Variants in ZC2HC1B observed in about 807,000 individuals in gnomAD.
The protein encoded by ZC2HC1B is zinc finger C2HC domain-containing protein 1B.
ZC2HC1B carries 36 observed loss-of-function variants against 31.0 expected under a neutral mutation model. The observed-to-expected ratio is 1.16, with a 90% CI of 0.89 to 1.54. ZC2HC1B has a LOEUF of 1.54. ZC2HC1B is among the 40% of genes most tolerant of loss of function. The pLI, the probability that ZC2HC1B is intolerant of heterozygous loss-of-function variation, is 0.00. For synonymous variants in ZC2HC1B, 73 were observed against 88.0 expected (o/e 0.83, Z 0.95); for missense variants, 260 against 268.6 (o/e 0.97, Z 0.22).
rs181927926 is a variant in ZC2HC1B, at chr6:143,920,318, T to C, written c.598+17166T>C. On this transcript the variant is annotated intron_variant, in intron 6 of 7. Transcript: ENST00000237275. Reference sequence around the variant, plus strand: ...AGTAAACTTGGAAAGAGATCGTGAATGGGAAAAGACAGCATGTCAGTTACG... The same window carrying C: ...AGTAAACTTGGAAAGAGATCGTGAACGGGAAAAGACAGCATGTCAGTTACG... 3.2e-3 allele frequency among the ~76,000 whole-genome samples: 483 copies of C among 152,254 alleles called. 1 individual carries two copies. The highest frequency in any genetic ancestry group is 5.8e-3 in the Non-Finnish European group (395 of 68,000).
rs1778147449 is a variant in ZC2HC1B at position 143,933,630 on chromosome 6, C to T, written c.599-4019C>T. ...GGCGAAAGCTGGTAGCAACAGGCCT[C>T]ACCCAGCTCCCACACAGTTGGCAAG... On this transcript the variant is annotated intron_variant, in intron 6 of 7. Transcript: ENST00000237275. The surrounding 1 kb of genome is among the most constrained non-coding windows in gnomAD (Gnocchi z 6.4). Among the ~76,000 whole-genome samples, 1 of 152,142 alleles carries T rather than the reference C, an allele frequency of 6.6e-6. No individual in the cohort carries two copies. The highest frequency in any genetic ancestry group is 1.5e-5 in the Non-Finnish European group (1 of 68,032).
rs1196129751 is a variant in ZC2HC1B, at chr6:143,924,466, T to A, written c.599-13183T>A. Reference sequence around the variant, plus strand: ...TTGACTTCCTCTATTCCAATTTAGATGACATTTATTTATTTCTCTTGCCTG... The same window carrying A: ...TTGACTTCCTCTATTCCAATTTAGAAGACATTTATTTATTTCTCTTGCCTG... On this transcript the variant is annotated intron_variant, in intron 6 of 7. Transcript: ENST00000237275. The surrounding 1 kb of genome is among the most constrained non-coding windows in gnomAD (Gnocchi z 5.2). 6.6e-6 allele frequency among the ~76,000 whole-genome samples: 1 copy of A among 152,068 alleles called. No homozygotes were observed. The highest frequency in any genetic ancestry group is 1.9e-4 in the East Asian group (1 of 5,200).
In ZC2HC1B at chr6:143,933,883, C is replaced by T. The variant is rs762144459; in HGVS notation, c.599-3766C>T. ...CAGATTCTTCTCAAGAGGGTTTGCA[C>T]CCAGTCAAAATTATTACAAAGTTCA... On this transcript the variant is annotated intron_variant, in intron 6 of 7. Transcript: ENST00000237275. This position sits in a 1 kb window ranked among gnomAD's most constrained non-coding sequence, Gnocchi z 6.4. Among the ~76,000 whole-genome samples, 4 of 152,172 alleles carry T rather than the reference C, an allele frequency of 2.6e-5. No homozygotes were observed. Among genetic ancestry groups the T allele is most frequent in the Non-Finnish European group, 5.9e-5 (4 of 68,038 alleles).
At position 143,917,835 on chromosome 6, in the gene ZC2HC1B, T is replaced by C. The variant is rs1407808365; in HGVS notation, c.598+14683T>C. ...CTAATAATTCCTACATTTGGTCTCT[T>C]AAATTATGTATAAAACAAAACGTGG... On this transcript the variant is annotated intron_variant, in intron 6 of 7. Transcript: ENST00000237275. The surrounding 1 kb of genome is among the most constrained non-coding windows in gnomAD (Gnocchi z 4.1). Among the ~76,000 whole-genome samples, 3 of 152,242 alleles carry C rather than the reference T, an allele frequency of 2.0e-5. No homozygotes were observed. Among genetic ancestry groups the C allele is most frequent in the African/African-American group, 7.2e-5 (3 of 41,466 alleles).
chr6:143,922,258 T>A lies in ZC2HC1B; in HGVS notation c.599-15391T>A, dbSNP rs916191155. On this transcript the variant is annotated intron_variant, in intron 6 of 7. Transcript: ENST00000237275. The surrounding 1 kb of genome is among the most constrained non-coding windows in gnomAD (Gnocchi z 5.0). ...TATTTTGATACATGAATAAAATGTGTAATGATCAAATCAGGGTATTTAAGA... is the reference window on the plus strand; with the variant it reads ...TATTTTGATACATGAATAAAATGTGAAATGATCAAATCAGGGTATTTAAGA... Among the ~76,000 whole-genome samples, 6 of 152,218 alleles carry A rather than the reference T, an allele frequency of 3.9e-5. No homozygotes were observed. Among genetic ancestry groups the A allele is most frequent in the African/African-American group, 1.4e-4 (6 of 41,468 alleles).
intron 6 of ZC2HC1B, among the ~76,000 whole-genome samples, chr6:143,919,965 A>G (rs1777969052): frequency 6.6e-6 from 1 of 152,212 alleles, no homozygotes; most frequent in South Asian, 2.1e-4. Flanking sequence ...CATTTGGGAA[A>G]AACTTAACAG....
chr6:143,888,263 G>A (rs1467091275), intron 4 of ZC2HC1B, among the ~76,000 whole-genome samples: 1 of 151,984 alleles, frequency 6.6e-6, no homozygotes, highest in Non-Finnish European at 1.5e-5. Flanking sequence ...TGGTCTATAT[G>A]TCTGTCTTTA....
At chr6:143,896,305 A>G (rs1381239063) in intron 4 of ZC2HC1B, among the ~76,000 whole-genome samples, 1 of 152,226 alleles carries the variant, frequency 6.6e-6, no homozygotes, top group Non-Finnish European at 1.5e-5. Context: ...TGAATGAGCA[A>G]GTGGGATTAA....
At chr6:143,920,610 T>A (rs1777975345) in intron 6 of ZC2HC1B, among the ~76,000 whole-genome samples, 2 of 152,068 alleles carry the variant, frequency 1.3e-5, no homozygotes, top group African/African-American at 4.8e-5. Context: ...AAAGGCAAAG[T>A]TCTTAAAATG....
At chr6:143,876,968 A>G (rs1393658309) in intron 1 of ZC2HC1B, among the ~76,000 whole-genome samples, 1 of 150,722 alleles carries the variant, frequency 6.6e-6, no homozygotes, top group Non-Finnish European at 1.5e-5. Context: ...ACCCTCACAG[A>G]CACACCCACG....
At position 143,887,619 on chromosome 6, in the gene ZC2HC1B, A is replaced by T. The variant is rs1777545643; in HGVS notation, c.349+798A>T. On this transcript the variant is annotated intron_variant, in intron 4 of 7. Transcript: ENST00000237275. The surrounding 1 kb of genome is among the most constrained non-coding windows in gnomAD (Gnocchi z 5.1). Reference sequence around the variant, plus strand: ...TTTTGTTATCTCTTCGGTCTTTATTAAATCTTGAACAATATCCCTACCAGG... The same window carrying T: ...TTTTGTTATCTCTTCGGTCTTTATTTAATCTTGAACAATATCCCTACCAGG... Among the ~76,000 whole-genome samples the T allele has an allele frequency of 6.6e-6, 1 of 152,130 alleles. No homozygotes were observed. Among genetic ancestry groups the T allele is most frequent in the South Asian group, 2.1e-4 (1 of 4,832 alleles).
At position 143,872,280 on chromosome 6, in the gene ZC2HC1B, T is replaced by G. The variant is rs1049519950; in HGVS notation, c.28+7713T>G. Among the ~76,000 whole-genome samples the G allele has an allele frequency of 6.6e-6, 1 of 152,180 alleles. No homozygotes were observed. The highest frequency in any genetic ancestry group is 1.5e-5 in the Non-Finnish European group (1 of 68,040). On this transcript the variant is annotated intron_variant, in intron 1 of 7. Transcript: ENST00000237275. The surrounding 1 kb of genome is among the most constrained non-coding windows in gnomAD (Gnocchi z 5.5). ...TCTCTGTTTTTATAATTCAGATTAG[T>G]CTTTTGTCCATTTGACCTAGAAGTT... is the stretch of plus-strand genomic sequence containing the variant.
At chr6:143,907,456 T>A (rs1007390163) in intron 6 of ZC2HC1B, among the ~76,000 whole-genome samples, 4 of 152,220 alleles carry the variant, frequency 2.6e-5, no homozygotes, top group African/African-American at 9.6e-5. Context: ...TTTTTTAACT[T>A]TTTAATAATA....
intron 6 of ZC2HC1B, among the ~76,000 whole-genome samples, chr6:143,937,118 G>A (rs1304151240): frequency 2.0e-5 from 3 of 152,190 alleles, no homozygotes; most frequent in African/African-American, 7.2e-5. Flanking sequence ...GGTGTGGTGT[G>A]CCCATATCCA....
chr6:143,867,741 C>G (rs542442360), intron 1 of ZC2HC1B, among the ~76,000 whole-genome samples: 36 of 152,292 alleles, frequency 2.4e-4, no homozygotes, highest in African/African-American at 8.7e-4. Flanking sequence ...ATTATGAAGG[C>G]AGTGAATATC....
At chr6:143,892,232 G>C (rs1056619305) in intron 4 of ZC2HC1B, among the ~76,000 whole-genome samples, 10 of 151,958 alleles carry the variant, frequency 6.6e-5, no homozygotes, top group Non-Finnish European at 1.5e-4. Context: ...AGGGGAGCAG[G>C]CATCACATGT....
chr6:143,901,317 T>C lies in ZC2HC1B; in HGVS notation c.490-1727T>C, dbSNP rs562399724. Among the ~76,000 whole-genome samples the C allele has an allele frequency of 7.8e-3, 1,053 of 134,932 alleles. 12 individuals are homozygous for C. The highest frequency in any genetic ancestry group is 0.029 in the African/African-American group (1,002 of 34,348). 88.5% of individuals were successfully genotyped at this position (134,932 alleles called of 152,430 possible). A position where few individuals can be genotyped will look rare whatever the true frequency, so the allele number is the denominator to read the frequency against. On this transcript the variant is annotated intron_variant, in intron 5 of 7. Transcript: ENST00000237275. ...CTCTGTTGCCCAGGCTGGAGTGCAG[T>C]GGTGTGATCTCGGCTCACTGCAACC...
At position 143,887,743 on chromosome 6, in the gene ZC2HC1B, G is replaced by T. The variant is rs1460312935; in HGVS notation, c.349+922G>T. Among the ~76,000 whole-genome samples, 1 of 151,870 alleles carries T rather than the reference G, an allele frequency of 6.6e-6. No homozygotes were observed. Among genetic ancestry groups the T allele is most frequent in the Non-Finnish European group, 1.5e-5 (1 of 67,950 alleles). On this transcript the variant is annotated intron_variant, in intron 4 of 7. Coordinates refer to ENST00000237275, the MANE Select transcript of ZC2HC1B (RefSeq NM_001013623.3). The surrounding 1 kb of genome is among the most constrained non-coding windows in gnomAD (Gnocchi z 5.1). ...TATCTCATCTTTATGTAAACTGAAA[G>T]TTAGGGCTAGAATCTCAATGAGATT... is the stretch of plus-strand genomic sequence containing the variant.
At chr6:143,925,359 T>C (rs895236163) in intron 6 of ZC2HC1B, among the ~76,000 whole-genome samples, 1 of 151,236 alleles carries the variant, frequency 6.6e-6, no homozygotes, top group Non-Finnish European at 1.5e-5. Flanking sequence ...GTATTTTTAG[T>C]AGAGACGGGG....
Sources: allele counts gnomAD v4.1 joint callset (sites outside exome capture counted in the v4.1 genomes callset), GRCh38; gene constraint gnomAD v4.1.1; non-coding constraint Gnocchi (gnomAD v3.1); transcripts MANE v1.5; gene names NCBI Gene and HGNC (gene_info 2026-07-23, HGNC 2026-07-21).